The following AUTS2 variants were observed in gnomAD, a reference collection of about 807,000 sequenced individuals.
The protein encoded by AUTS2 is autism susceptibility gene 2 protein.
AUTS2 carries 17 observed loss-of-function variants against 112.4 expected under a neutral mutation model. The observed-to-expected ratio is 0.15, with a 90% CI of 0.10 to 0.23. The LOEUF (loss-of-function observed/expected upper bound fraction) is 0.23. AUTS2 is among the 10% of genes least tolerant of loss of function. The probability of loss-of-function intolerance (pLI) is 1.00; values close to 1 mark genes in which losing one functional copy is unlikely to be tolerated. For missense variants in AUTS2, 1,510 were observed against 1,701.6 expected (o/e 0.89, Z 1.98); for synonymous variants, 751 against 702.7 (o/e 1.07, Z -1.09).
intron 5 of AUTS2, among the ~76,000 whole-genome samples, chr7:70,594,490 C>G (rs2129528927): frequency 6.6e-6 from 1 of 152,228 alleles, no homozygotes; most frequent in Middle Eastern, 3.4e-3. Context: ...AGGAAAGTGA[C>G]AGGATGCCTC....
intron 4 of AUTS2, among the ~76,000 whole-genome samples, chr7:70,238,071 TTCCTGTGGA>T (rs2129599116): frequency 6.6e-6 from 1 of 152,304 alleles, no homozygotes; most frequent in South Asian, 2.1e-4. Flanking sequence ...ACCATTAAAT[TTCCTGTGGA>T]TCCAAAATTG....
intron 5 of AUTS2, among the ~76,000 whole-genome samples, chr7:70,496,240 C>G (rs1322645105): frequency 6.4e-5 from 7 of 109,370 alleles, no homozygotes; most frequent in South Asian, 3.0e-4. Flanking sequence ...TACACAGTCA[C>G]ACACACACAC....
intron 1 of AUTS2, among the ~76,000 whole-genome samples, chr7:69,667,350 GT>G (rs58991076): frequency 0.11 from 14,894 of 131,980 alleles, 515 homozygotes; most frequent in Middle Eastern, 0.17. Context: ...GTTTTGTTGT[GT>G]TTTTTTTTTT....
At chr7:70,046,620 G>A (rs1801516082) in intron 2 of AUTS2, among the ~76,000 whole-genome samples, 1 of 152,112 alleles carries the variant, frequency 6.6e-6, no homozygotes, top group South Asian at 2.1e-4. Context: ...GCAAAGAAGG[G>A]AGCTCATTTA....
At chr7:69,852,987 G>T (rs1015097371) in intron 1 of AUTS2, among the ~76,000 whole-genome samples, 34 of 151,888 alleles carry the variant, frequency 2.2e-4, no homozygotes, top group African/African-American at 7.0e-4. Flanking sequence ...CTTTCATTGT[G>T]GTCAGAGAAT....
At chr7:69,918,509 T>C (rs1224340242) in intron 2 of AUTS2, among the ~76,000 whole-genome samples, 1 of 152,252 alleles carries the variant, frequency 6.6e-6, no homozygotes, top group Admixed American at 6.5e-5. Flanking sequence ...CTAGACATGA[T>C]ATGAACTTTG....
chr7:69,599,628 C>T lies in AUTS2; in HGVS notation c.-26C>T, dbSNP rs1792257653. ...GCGGCCGTAGCCTGTGGCGGGCAAG[C>T]GGGGAGACCCCGGCGCAGCAGAACC... On this transcript the variant is annotated 5_prime_UTR_variant, in exon 1 of 19. Coordinates refer to ENST00000342771, the MANE Select transcript of AUTS2 (RefSeq NM_015570.4). This position sits in a 1 kb window ranked among gnomAD's most constrained non-coding sequence, Gnocchi z 7.0. 7.9e-7 allele frequency: 1 copy of T among 1,273,360 alleles called. No homozygotes were observed. Among genetic ancestry groups the T allele is most frequent in the Non-Finnish European group, 9.9e-7 (1 of 1,011,716 alleles). 78.9% of individuals were successfully genotyped at this position (1,273,360 alleles called of 1,614,324 possible).
intron 2 of AUTS2, among the ~76,000 whole-genome samples, chr7:69,979,627 A>T (rs1035809909): frequency 1.4e-4 from 22 of 152,232 alleles, no homozygotes; most frequent in African/African-American, 5.1e-4. Flanking sequence ...AGATTACCTC[A>T]TAAGAGTATG....
chr7:70,474,628 C>T (rs1353115564), intron 5 of AUTS2, among the ~76,000 whole-genome samples: 4 of 152,150 alleles, frequency 2.6e-5, no homozygotes, highest in East Asian at 1.9e-4. Context: ...CTCATTTATT[C>T]GTCTTATTTA....
intron 4 of AUTS2, among the ~76,000 whole-genome samples, chr7:70,249,874 AAATATTTTAAGTAAAATATT>A (rs200260615): frequency 0.08 from 12,020 of 150,292 alleles, 628 homozygotes; most frequent in African/African-American, 0.13. Flanking sequence ...ATTTTAAGTA[AAATATTTTAAGTAAAATATT>A]AATATTTTAA....
rs11309209 is a variant in AUTS2 at position 70,296,840 on chromosome 7, A to ATT, written c.661-138894_661-138893dup. Among the ~76,000 whole-genome samples the ATT allele has an allele frequency of 5.3e-3, 672 of 127,918 alleles. 13 individuals are homozygous for ATT. The highest frequency in any genetic ancestry group is 0.019 in the African/African-American group (635 of 34,304). 83.9% of individuals were successfully genotyped at this position (127,918 alleles called of 152,430 possible). A position where few individuals can be genotyped will look rare whatever the true frequency, so the allele number is the denominator to read the frequency against. ...TTGATATGTATTTCCCTGGGTATAC[A>ATT]TTTTTTTTTTTTTTTTTTTGAGACA... On this transcript the variant is annotated intron_variant, in intron 4 of 18. Coordinates refer to ENST00000342771, the MANE Select transcript of AUTS2 (RefSeq NM_015570.4).
intron 2 of AUTS2, among the ~76,000 whole-genome samples, chr7:69,928,350 C>T (rs1796102937): frequency 6.6e-6 from 1 of 152,208 alleles, no homozygotes; most frequent in Admixed American, 6.5e-5. Flanking sequence ...GACTTCATGC[C>T]ATCCCTGCCT....
chr7:69,635,798 A>C (rs1233935400), intron 1 of AUTS2, among the ~76,000 whole-genome samples: 1 of 152,240 alleles, frequency 6.6e-6, no homozygotes, highest in Admixed American at 6.5e-5. Context: ...TACAAAGCTA[A>C]ACACTTGTCG....
chr7:70,705,757 C>T (rs969054476), intron 6 of AUTS2, among the ~76,000 whole-genome samples: 8 of 152,132 alleles, frequency 5.3e-5, no homozygotes, highest in Non-Finnish European at 7.3e-5. Context: ...CATTTTACCT[C>T]CAAGAGGAAA....
intron 5 of AUTS2, among the ~76,000 whole-genome samples, chr7:70,438,824 A>G (rs190381336): frequency 2.1e-4 from 32 of 152,290 alleles, no homozygotes; most frequent in Middle Eastern, 3.4e-3. Flanking sequence ...GATGCCACTC[A>G]GTGTCCTGGG....
At chr7:69,971,393 A>C (rs182649275) in intron 2 of AUTS2, among the ~76,000 whole-genome samples, 1 of 152,346 alleles carries the variant, frequency 6.6e-6, no homozygotes, top group East Asian at 1.9e-4. Context: ...ATTTTGAGAT[A>C]ATGGTAGTAC....
Position 69,801,222 on chromosome 7 carries a change from G to T in AUTS2, c.310-98064G>T, listed in dbSNP as rs1039068009. 4.7e-5 allele frequency among the ~76,000 whole-genome samples: 7 copies of T among 149,918 alleles called. No homozygotes were observed. The East Asian group carries it at 9.7e-4, about 21-fold the overall frequency. ...GTTAATTAATGGGGTGACTGGCAGG[G>T]ATCTAGTTGCCAATTTCAGCATTGG... is the stretch of plus-strand genomic sequence containing the variant. On this transcript the variant is annotated intron_variant, in intron 1 of 18. Transcript: ENST00000342771.
chr7:70,056,721 T>C (rs537384109), intron 2 of AUTS2, among the ~76,000 whole-genome samples: 1 of 152,280 alleles, frequency 6.6e-6, no homozygotes, highest in African/African-American at 2.4e-5. Context: ...AAAGGCAGGA[T>C]TGGCAACTGT....
At chr7:70,107,043 G>C (rs1283553685) in intron 2 of AUTS2, among the ~76,000 whole-genome samples, 1 of 152,148 alleles carries the variant, frequency 6.6e-6, no homozygotes, top group Non-Finnish European at 1.5e-5. Flanking sequence ...TTTCTTGGTA[G>C]TGGTTTTTGA....
Sources: gnomAD v4.1 joint callset for allele counts (sites outside exome capture counted in the v4.1 genomes callset) on GRCh38, gnomAD v4.1.1 for gene constraint, Gnocchi (gnomAD v3.1) non-coding constraint, MANE v1.5 for transcripts, NCBI Gene and HGNC (gene_info 2026-07-23, HGNC 2026-07-21) for gene names.